Variants in AMOTL2 observed in about 807,000 individuals in gnomAD.
AMOTL2 encodes the protein angiomotin-like protein 2.
Under a neutral mutation model 78.4 loss-of-function variants are expected in AMOTL2, and 33 were observed. The observed-to-expected ratio is 0.42, with a 90% confidence interval of 0.32 to 0.56. The LOEUF (loss-of-function observed/expected upper bound fraction) is 0.56, where lower values mean the gene tolerates loss of function less well. AMOTL2 is among the 20% of genes least tolerant of loss of function. The probability of loss-of-function intolerance (pLI) is 0.12; values close to 1 mark genes in which losing one functional copy is unlikely to be tolerated. For synonymous variants in AMOTL2, 422 were observed against 428.8 expected (o/e 0.98, Z 0.20); for missense variants, 983 against 1,030.1 (o/e 0.95, Z 0.63).
intron 5 of AMOTL2, among the ~76,000 whole-genome samples, chr3:134,363,122 T>C (rs2017444373): frequency 6.6e-6 from 1 of 152,174 alleles, no homozygotes; most frequent in Non-Finnish European, 1.5e-5. Flanking sequence ...TATAGGACAG[T>C]GCAAGTTCTG....
Position 134,366,370 on chromosome 3 carries a change from A to T in AMOTL2, c.1099T>A (p.Ser367Thr). Reference sequence around the variant, plus strand: ...GTCTTCTCCAGGGCCTCACGCTTGGAGGAGGCTCTGGTCAGGCTCTCATGG... The same window carrying T: ...GTCTTCTCCAGGGCCTCACGCTTGGTGGAGGCTCTGGTCAGGCTCTCATGG... Reference protein sequence around the residue: ...EAHESLTRASSKREALEKTMR... With the variant: ...EAHESLTRASTKREALEKTMR... Residue 367 changes from serine (S) to threonine (T), a missense_variant, in exon 4 of 10, where the codon TCC (serine) becomes ACC (threonine). Physicochemically the swap from Ser to Thr is moderately conservative, Grantham distance 58. Coordinates refer to ENST00000249883, the MANE Select transcript of AMOTL2 (RefSeq NM_016201.4). 9 of 1,614,024 alleles carry T rather than the reference A, an allele frequency of 5.6e-6. No individual in the cohort carries two copies. The highest frequency in any genetic ancestry group is 7.6e-6 in the Non-Finnish European group (9 of 1,180,000).
At chr3:134,363,513 G>A (rs1265168099) in intron 5 of AMOTL2, among the ~76,000 whole-genome samples, 1 of 152,216 alleles carries the variant, frequency 6.6e-6, no homozygotes, top group East Asian at 1.9e-4. Context: ...GAAGGACTCT[G>A]TCTCATCTTA....
chr3:134,358,635 T>C lies in AMOTL2; in HGVS notation c.2189A>G (p.Gln730Arg), dbSNP rs754938582. 1.2e-6 allele frequency: 2 copies of C among 1,613,682 alleles called. No homozygotes were observed. The highest frequency in any genetic ancestry group is 1.1e-5 in the South Asian group (1 of 91,062). Residue 730 changes from glutamine (Q) to arginine (R), a missense_variant, in exon 9 of 10, where the codon CAG becomes CGG. By Grantham distance (43) the Gln-to-Arg change is conservative. Coordinates refer to ENST00000249883, the MANE Select transcript of AMOTL2 (RefSeq NM_016201.4). ...GGTGCTGTCTGGGGGGCCCTCAGTCTGGGTGCTCCCATCTCTGCTCCCGTG... is the reference window on the plus strand; with the variant it reads ...GGTGCTGTCTGGGGGGCCCTCAGTCCGGGTGCTCCCATCTCTGCTCCCGTG... ...AKHGSRDGSTQTEGPPDSTST... is the reference protein window; with the variant it reads ...AKHGSRDGSTRTEGPPDSTST...
Position 134,370,911 on chromosome 3 carries a change from G to A in AMOTL2, c.523C>T (p.Pro175Ser). ...CTGTGGGAGGAGCTCATGTGGCTGG[G>A]GGCCCGGGCGCCGTTCCTCTCCAGG... is the stretch of plus-strand genomic sequence containing the variant. ...LSLERNGARA[P>S]SHMSSSHSFP... The change falls in exon 2 of 10, where the codon CCC becomes TCC. Residue 175 changes from proline (P) to serine (S), a missense_variant. Coordinates refer to ENST00000249883, the MANE Select transcript of AMOTL2 (RefSeq NM_016201.4). 6.2e-7 allele frequency: 1 copy of A among 1,612,290 alleles called. No homozygotes were observed. The highest frequency in any genetic ancestry group is 1.3e-5 in the African/African-American group (1 of 75,032).
Position 134,371,472 on chromosome 3 carries a change from G to T in AMOTL2, c.-39C>A. ...GCACACAGCTGCCTGGACAATGGCC[G>T]GTGGCACCTGGCCCCAGAGCACCTG... On this transcript the variant is annotated 5_prime_UTR_variant, in exon 2 of 10. Coordinates refer to ENST00000249883, the MANE Select transcript of AMOTL2 (RefSeq NM_016201.4). 2 of 1,590,992 alleles carry T rather than the reference G, an allele frequency of 1.3e-6. No individual in the cohort carries two copies. The highest frequency in any genetic ancestry group is 8.5e-7 in the Non-Finnish European group (1 of 1,173,288).
At chr3:134,361,443 A>C in intron 6 of AMOTL2, 69 bp downstream of exon 6, 2 of 1,475,732 alleles carry the variant, frequency 1.4e-6, no homozygotes, top group Non-Finnish European at 1.8e-6. Context: ...CCAAACCTAC[A>C]GTCCCCGAGG....
At position 134,370,837 on chromosome 3, in the gene AMOTL2, G is replaced by A; in HGVS notation, c.597C>T (p.Pro199=). The A allele has an allele frequency of 1.3e-6, 2 of 1,594,668 alleles. No homozygotes were observed. The highest frequency in any genetic ancestry group is 1.7e-6 in the Non-Finnish European group (2 of 1,168,750). Residue 199 remains proline (P), a synonymous_variant, in exon 2 of 10, where the codon CCC becomes CCT. Coordinates refer to ENST00000249883, the MANE Select transcript of AMOTL2 (RefSeq NM_016201.4). ...RNQQGPPLRG[P]PAEGPESRGP... ...CTCGGGACTCTGGGCCCTCAGCAGG[G>A]GGGCCCCTCAGTGGGGGGCCCTGCT...
intron 6 of AMOTL2, among the ~76,000 whole-genome samples, chr3:134,360,902 A>G (rs2017327174): frequency 6.6e-6 from 1 of 152,238 alleles, no homozygotes; most frequent in African/African-American, 2.4e-5. Flanking sequence ...GGCCAGACGC[A>G]GTGGCTCATG....
At chr3:134,358,800 C>T (rs1313226596) in intron 8 of AMOTL2, 81 bp from the exon 9 acceptor site, 1 of 1,538,056 alleles carries the variant, frequency 6.5e-7, no homozygotes, top group Non-Finnish European at 8.9e-7. Flanking sequence ...ACTGTCCCTG[C>T]TGGGGATTCA....
chr3:134,366,719 T>G, intron 3 of AMOTL2: 1 of 314,118 alleles, frequency 3.2e-6, no homozygotes, highest in Non-Finnish European at 5.9e-6. Flanking sequence ...TAAACACAGC[T>G]TCCCTGTGCC....
chr3:134,360,544 C>G, intron 6 of AMOTL2, 131 bp from the exon 7 acceptor site: 1 of 795,004 alleles, frequency 1.3e-6, no homozygotes, highest in Non-Finnish European at 2.0e-6. Context: ...ATTTCCCCAT[C>G]CTTCCTCTAC....
rs1467282352 is a variant in AMOTL2, at chr3:134,357,611, G to A, written c.*94C>T. On this transcript the variant is annotated 3_prime_UTR_variant, in exon 10 of 10. Coordinates refer to ENST00000249883, the MANE Select transcript of AMOTL2 (RefSeq NM_016201.4). Reference sequence around the variant, plus strand: ...TGAGTGTCTGGCTGGGGAAAGGGACGGAGCAGCGGTTGACGGGGCTGCTGA... The same window carrying A: ...TGAGTGTCTGGCTGGGGAAAGGGACAGAGCAGCGGTTGACGGGGCTGCTGA... 5.5e-6 allele frequency: 7 copies of A among 1,274,028 alleles called. No individual in the cohort carries two copies. The highest frequency in any genetic ancestry group is 2.9e-5 in the African/African-American group (2 of 67,966). 78.9% of individuals were successfully genotyped at this position (1,274,028 alleles called of 1,614,324 possible).
chr3:134,371,166 T>A lies in AMOTL2; in HGVS notation c.268A>T (p.Thr90Ser). The change falls in exon 2 of 10, where the codon ACC (threonine) becomes TCC (serine). Residue 90 changes from threonine to serine, a missense_variant. Physicochemically the swap from Thr to Ser is moderately conservative, Grantham distance 58. Transcript: ENST00000249883. ...QGGENHLAEN[T>S]LYRLCPQPSK... ...GGCTGTGGGCATAGCCGGTAGAGGG[T>A]GTTCTCTGCCAGGTGGTTCTCACCG... 6.2e-7 allele frequency: 1 copy of A among 1,613,616 alleles called. No individual in the cohort carries two copies. The highest frequency in any genetic ancestry group is 8.5e-7 in the Non-Finnish European group (1 of 1,179,884).
chr3:134,374,699 C>T (rs2018026068), upstream of AMOTL2: 1 of 981,648 alleles, frequency 1.0e-6, no homozygotes, highest in Non-Finnish European at 1.2e-6. Flanking sequence ...GCGCCCAGCG[C>T]CCTCCAGGCC....
chr3:134,357,639 TG>T lies in AMOTL2; in HGVS notation c.*65del. 1.3e-6 allele frequency: 2 copies of T among 1,522,822 alleles called. No individual in the cohort carries two copies. The highest frequency in any genetic ancestry group is 1.8e-6 in the Non-Finnish European group (2 of 1,097,318). The allele number at this position is 1,522,822 out of a possible 1,614,324, so 94.3% of individuals were successfully genotyped here. A position where few individuals can be genotyped will look rare whatever the true frequency, so the allele number is the denominator to read the frequency against. ...GCAGCGGTTGACGGGGCTGCTGAAA[TG>T]GCTGAGAGTGGCACAGGGCAGAGGA... On this transcript the variant is annotated 3_prime_UTR_variant, in exon 10 of 10. Coordinates refer to ENST00000249883, the MANE Select transcript of AMOTL2 (RefSeq NM_016201.4).
In AMOTL2 at chr3:134,355,862, G is replaced by A. The variant is rs554930804; in HGVS notation, c.*1843C>T. 2.9e-4 allele frequency: 45 copies of A among 152,690 alleles called. No homozygotes were observed. The highest frequency in any genetic ancestry group is 9.4e-4 in the African/African-American group (39 of 41,554). 9.5% of individuals were successfully genotyped at this position (152,690 alleles called of 1,614,324 possible). A position where few individuals can be genotyped will look rare whatever the true frequency, so the allele number is the denominator to read the frequency against. On this transcript the variant is annotated 3_prime_UTR_variant, in exon 10 of 10. Transcript: ENST00000249883. ...CTTCCCTCAGTGCAAAGTCTCACCT[G>A]TGCAAAGACATCACTTTTAATTATT... is the stretch of plus-strand genomic sequence containing the variant.
In AMOTL2 at chr3:134,374,386, C is replaced by T; in HGVS notation, c.-106G>A. 1.0e-6 allele frequency: 1 copy of T among 985,350 alleles called. No individual in the cohort carries two copies. Among genetic ancestry groups the T allele is most frequent in the Non-Finnish European group, 1.2e-6 (1 of 829,930 alleles). The allele number at this position is 985,350 out of a possible 1,614,324, so 61.0% of individuals were successfully genotyped here. A position where few individuals can be genotyped will look rare whatever the true frequency, so the allele number is the denominator to read the frequency against. ...CCAGCGCAGTCAGACACCACAACCTCCGGCTCGGCCCAGCTCAGCTCGGCG... is the reference window on the plus strand; with the variant it reads ...CCAGCGCAGTCAGACACCACAACCTTCGGCTCGGCCCAGCTCAGCTCGGCG... On this transcript the variant is annotated 5_prime_UTR_variant, in exon 1 of 10. Transcript: ENST00000249883.
Position 134,360,312 on chromosome 3 carries a change from G to A in AMOTL2, c.1677C>T (p.Ile559=), listed in dbSNP as rs760293974. 2 of 1,614,202 alleles carry A rather than the reference G, an allele frequency of 1.2e-6. No homozygotes were observed. The highest frequency in any genetic ancestry group is 2.2e-5 in the South Asian group (2 of 91,084). The part of the protein sequence containing the change: ...SEQLREKEEQ[I]LALEADMTKW... ...TGGTCATGTCGGCCTCCAGCGCCAGGATCTGCTCCTCCTTCTCTCGCAGTT... is the reference window on the plus strand; with the variant it reads ...TGGTCATGTCGGCCTCCAGCGCCAGAATCTGCTCCTCCTTCTCTCGCAGTT... Residue 559 remains isoleucine (I), a synonymous_variant, in exon 7 of 10, where the codon ATC becomes ATT. Coordinates refer to ENST00000249883, the MANE Select transcript of AMOTL2 (RefSeq NM_016201.4).
chr3:134,373,416 C>A (rs147237679), intron 1 of AMOTL2: 120 of 968,328 alleles, frequency 1.2e-4, no homozygotes, highest in Middle Eastern at 5.3e-4. Context: ...GGCCTCTCAT[C>A]GCGAATTTGT....
Sources: allele counts gnomAD v4.1 joint callset (sites outside exome capture counted in the v4.1 genomes callset), GRCh38; gene constraint gnomAD v4.1.1; transcripts MANE v1.5; gene names NCBI Gene and HGNC (gene_info 2026-07-23, HGNC 2026-07-21).